SLCO4C1: variants seen among roughly 807,000 people sequenced by gnomAD.
SLCO4C1 encodes the protein solute carrier organic anion transporter family member 4C1, also known as organic anion transporter M1.
SLCO4C1 carries 58 observed loss-of-function variants against 72.1 expected under a neutral mutation model. The observed-to-expected ratio is 0.80, with a 90% confidence interval of 0.65 to 1.00. SLCO4C1 has a LOEUF of 1.00. Among genes scored for constraint, SLCO4C1 ranks in the 50% least tolerant of loss-of-function variants. SLCO4C1 has a pLI of 0.00. For synonymous variants in SLCO4C1, 297 were observed against 312.5 expected, an observed-to-expected ratio of 0.95 and a Z score of 0.52; for missense variants, 898 against 857.9, an observed-to-expected ratio of 1.05 and a Z score of -0.58.
At chr5:102,291,675 A>G in intron 1 of SLCO4C1, 69 bp from the exon 2 acceptor site, 1 of 1,329,636 alleles carries the variant, frequency 7.5e-7, no homozygotes, top group Non-Finnish European at 1.0e-6. Context: ...TAACACAATG[A>G]AGTAGAGTTT....
intron 2 of SLCO4C1, among the ~76,000 whole-genome samples, chr5:102,287,319 T>C (rs1749471591): frequency 1.3e-5 from 2 of 152,124 alleles, no homozygotes. Flanking sequence ...ACCTGACTAC[T>C]AGAAGTTGGG....
intron 3 of SLCO4C1, 77 bp downstream of exon 3, chr5:102,270,547 C>T (rs149057838): frequency 1.0e-4 from 132 of 1,278,090 alleles, no homozygotes; most frequent in Non-Finnish European, 1.4e-4. Context: ...TTTAGTAAGC[C>T]TATGTTATAC....
rs565967489 is a variant in SLCO4C1 at position 102,242,540 on chromosome 5, T to C, written c.1812-1758A>G. Among the ~76,000 whole-genome samples the C allele has an allele frequency of 2.0e-3, 300 of 152,254 alleles. 3 individuals are homozygous for C. Among genetic ancestry groups the C allele is most frequent in the Non-Finnish European group, 2.5e-3 (171 of 67,998 alleles). Reference sequence around the variant, plus strand: ...GAGGACAGAGCACCAGTCAGAGTTGTGAGGCCCTCCCATTTCAGGCCTTAG... The same window carrying C: ...GAGGACAGAGCACCAGTCAGAGTTGCGAGGCCCTCCCATTTCAGGCCTTAG... On this transcript the variant is annotated intron_variant, in intron 10 of 12. Coordinates refer to ENST00000310954, the MANE Select transcript of SLCO4C1 (RefSeq NM_180991.5).
intron 10 of SLCO4C1, among the ~76,000 whole-genome samples, chr5:102,243,942 T>C (rs193155448): frequency 2.4e-4 from 36 of 152,316 alleles, no homozygotes; most frequent in Non-Finnish European, 4.3e-4. Flanking sequence ...TCCCAGCACT[T>C]TGAGAGGCTG....
chr5:102,243,568 A>C (rs934869332), intron 10 of SLCO4C1, among the ~76,000 whole-genome samples: 4 of 152,138 alleles, frequency 2.6e-5, no homozygotes, highest in African/African-American at 7.2e-5. Flanking sequence ...ATACAACTAA[A>C]ATTAGAACAC....
chr5:102,278,842 G>A (rs1333505110), intron 2 of SLCO4C1, among the ~76,000 whole-genome samples: 1 of 151,358 alleles, frequency 6.6e-6, no homozygotes, highest in Non-Finnish European at 1.5e-5. Flanking sequence ...TACAACTCAA[G>A]CAGTACTGAA....
Position 102,262,042 on chromosome 5 carries a change from T to C in SLCO4C1, c.900-9A>G, listed in dbSNP as rs751139038. ...CCTCAGTGACATCAGTGCTATATGA[T>C]AGAAAAACAAGAGGTAAAAGTCAAC... is the stretch of plus-strand genomic sequence containing the variant. On this transcript the variant is annotated splice_polypyrimidine_tract_variant and intron_variant, in intron 4 of 12. Coordinates refer to ENST00000310954, the MANE Select transcript of SLCO4C1 (RefSeq NM_180991.5). The C allele has an allele frequency of 2.3e-5, 37 of 1,593,478 alleles. No homozygotes were observed. Among genetic ancestry groups the C allele is most frequent in the African/African-American group, 2.7e-5 (2 of 73,776 alleles).
intron 2 of SLCO4C1, among the ~76,000 whole-genome samples, chr5:102,281,010 C>G (rs1158538550): frequency 6.6e-6 from 1 of 151,766 alleles, no homozygotes; most frequent in Non-Finnish European, 1.5e-5. Context: ...TGAGGCAAAC[C>G]AATATGGAAA....
intron 2 of SLCO4C1, among the ~76,000 whole-genome samples, chr5:102,277,647 G>A (rs1370970918): frequency 6.6e-6 from 1 of 152,034 alleles, no homozygotes; most frequent in African/African-American, 2.4e-5. Context: ...CCTACTAGGT[G>A]TCAATTGAGG....
intron 2 of SLCO4C1, among the ~76,000 whole-genome samples, chr5:102,280,682 C>T (rs1749338149): frequency 6.6e-6 from 1 of 152,070 alleles, no homozygotes; most frequent in South Asian, 2.1e-4. Context: ...GAAGCAGGTA[C>T]ATCTTACATG....
chr5:102,291,645 T>C, intron 1 of SLCO4C1, 39 bp from the exon 2 acceptor site: 1 of 1,514,706 alleles, frequency 6.6e-7, no homozygotes, highest in Non-Finnish European at 9.0e-7. Context: ...ATTAATATTT[T>C]ACCATACGAT....
intron 4 of SLCO4C1, 92 bp downstream of exon 4, chr5:102,263,592 T>C (rs907825306): frequency 1.0e-6 from 1 of 959,214 alleles, no homozygotes; most frequent in Non-Finnish European, 1.6e-6. Flanking sequence ...CATGCTATAC[T>C]GAGGGAAGTA....
chr5:102,280,007 T>A (rs1749322474), intron 2 of SLCO4C1, among the ~76,000 whole-genome samples: 1 of 141,150 alleles, frequency 7.1e-6, no homozygotes, highest in African/African-American at 2.7e-5. Context: ...CTTTCTTGCC[T>A]AATATAGGGA....
intron 2 of SLCO4C1, among the ~76,000 whole-genome samples, chr5:102,280,135 C>T (rs1422557822): frequency 7.1e-6 from 1 of 140,152 alleles, no homozygotes; most frequent in African/African-American, 2.7e-5. Context: ...AAATTAGTGC[C>T]ATACAGAAGG....
Position 102,236,790 on chromosome 5 carries a change from T to G in SLCO4C1, c.*68A>C. On this transcript the variant is annotated 3_prime_UTR_variant, in exon 13 of 13. Transcript: ENST00000310954. ...CCATATTGGATAGATAATCCTGCCATGGCAATGTGTGTTCTTAAAAATCGA... is the reference window on the plus strand; with the variant it reads ...CCATATTGGATAGATAATCCTGCCAGGGCAATGTGTGTTCTTAAAAATCGA... 6.9e-7 allele frequency: 1 copy of G among 1,450,712 alleles called. No homozygotes were observed. The highest frequency in any genetic ancestry group is 9.5e-7 in the Non-Finnish European group (1 of 1,051,692). 89.9% of individuals were successfully genotyped at this position (1,450,712 alleles called of 1,614,324 possible).
At chr5:102,245,872 AAATT>A (rs1414970289) in intron 10 of SLCO4C1, among the ~76,000 whole-genome samples, 1 of 152,154 alleles carries the variant, frequency 6.6e-6, no homozygotes, top group African/African-American at 2.4e-5. Context: ...CTAAAACAAG[AAATT>A]AATAAGAGGA....
chr5:102,244,885 G>A (rs1748609912), intron 10 of SLCO4C1, among the ~76,000 whole-genome samples: 1 of 152,156 alleles, frequency 6.6e-6, no homozygotes, highest in Admixed American at 6.5e-5. Flanking sequence ...TATAAGAAAT[G>A]CTAAAGGGTG....
intron 8 of SLCO4C1, among the ~76,000 whole-genome samples, chr5:102,255,349 C>T (rs1748815174): frequency 6.6e-6 from 1 of 152,134 alleles, no homozygotes; most frequent in Non-Finnish European, 1.5e-5. Context: ...TAAATGGATT[C>T]ACATGTACTT....
intron 3 of SLCO4C1, among the ~76,000 whole-genome samples, chr5:102,268,108 G>A (rs905607993): frequency 4.6e-5 from 7 of 151,946 alleles, no homozygotes; most frequent in Non-Finnish European, 8.8e-5. Context: ...AGGTCAATTT[G>A]GTCTATACTG....
Sources: allele counts gnomAD v4.1 joint callset (sites outside exome capture counted in the v4.1 genomes callset), GRCh38; gene constraint gnomAD v4.1.1; transcripts MANE v1.5; gene names NCBI Gene and HGNC (gene_info 2026-07-23, HGNC 2026-07-21).